Variants in SRGAP3 observed in about 807,000 individuals in gnomAD.
The protein encoded by SRGAP3 is SLIT-ROBO Rho GTPase-activating protein 3.
In SRGAP3, 39 loss-of-function variants were observed where a neutral mutation model predicts 121.1. That is an observed-to-expected ratio of 0.32 (90% CI 0.25 to 0.42). The LOEUF is 0.42. SRGAP3 is among the 10% of genes least tolerant of loss of function. The probability of loss-of-function intolerance (pLI) is 1.00; values close to 1 mark genes in which losing one functional copy is unlikely to be tolerated. For synonymous variants in SRGAP3, 601 were observed against 570.0 expected, an observed-to-expected ratio of 1.05 and a Z score of -0.77; for missense variants, 1,213 against 1,470.6, an observed-to-expected ratio of 0.82 and a Z score of 2.86.
intron 6 of SRGAP3, 126 bp from the exon 7 acceptor site, chr3:9,058,598 C>T: frequency 9.8e-7 from 1 of 1,024,218 alleles, no homozygotes; most frequent in Admixed American, 2.0e-5. Flanking sequence ...CCGGAGGCCC[C>T]AAGGCACTTT....
At chr3:9,266,442 G>T (rs1954370134) in intron 3 of SRGAP3, among the ~76,000 whole-genome samples, 1 of 152,164 alleles carries the variant, frequency 6.6e-6, no homozygotes, top group South Asian at 2.1e-4. Flanking sequence ...CACCTAGAGT[G>T]TCTGTTCTAA....
chr3:9,206,635 G>A (rs564917099), intron 1 of SRGAP3, among the ~76,000 whole-genome samples: 31 of 152,230 alleles, frequency 2.0e-4, no homozygotes, highest in African/African-American at 7.0e-4. Context: ...GGCACATGCT[G>A]TTTCTCCCAC....
intron 3 of SRGAP3, among the ~76,000 whole-genome samples, chr3:9,268,865 CT>C (rs904531558): frequency 6.6e-6 from 1 of 152,172 alleles, no homozygotes; most frequent in African/African-American, 2.4e-5. Context: ...CTCTTCCTTC[CT>C]TTTCCCCAGA....
intron 10 of SRGAP3, among the ~76,000 whole-genome samples, chr3:9,042,094 C>T (rs148633963): frequency 6.6e-5 from 9 of 137,022 alleles, no homozygotes; most frequent in Admixed American, 6.0e-4. Flanking sequence ...CAGAGCTAGA[C>T]GCCATCTCAA....
At chr3:9,170,215 T>C (rs1950926335) in intron 1 of SRGAP3, among the ~76,000 whole-genome samples, 2 of 152,234 alleles carry the variant, frequency 1.3e-5, no homozygotes, top group Admixed American at 6.5e-5. Flanking sequence ...ACCTCTCAAA[T>C]CTACAAACCA....
At chr3:9,057,388 C>T (rs191372028) in intron 7 of SRGAP3, among the ~76,000 whole-genome samples, 10 of 152,344 alleles carry the variant, frequency 6.6e-5, no homozygotes, top group Admixed American at 4.6e-4. Flanking sequence ...TTACGGTCAC[C>T]AGTGGTCACC....
At position 9,348,431 on chromosome 3, in the gene SRGAP3, C is replaced by T. The variant is rs1955946115; in HGVS notation, n.214+14409G>A. On this transcript the variant is annotated intron_variant and non_coding_transcript_variant, in intron 1 of 3. Transcript: ENST00000490889. Reference sequence around the variant, plus strand: ...CGAACCCCAGTCAGCGTCGCATCCCCAGCCCGCCACCATGGCTGCCTACAA... The same window carrying T: ...CGAACCCCAGTCAGCGTCGCATCCCTAGCCCGCCACCATGGCTGCCTACAA... 6.4e-6 allele frequency: 4 copies of T among 627,654 alleles called. No individual in the cohort carries two copies. In the South Asian group the frequency reaches 7.0e-5, roughly 11 times the overall value. The allele number at this position is 627,654 out of a possible 1,614,324, so 38.9% of individuals were successfully genotyped here.
chr3:9,353,237 G>A (rs2030295006), intron 1 of SRGAP3, among the ~76,000 whole-genome samples: 1 of 152,234 alleles, frequency 6.6e-6, no homozygotes, highest in African/African-American at 2.4e-5. Context: ...ATATCACACA[G>A]GGAGGAGAGA....
At chr3:9,089,171 G>A (rs1047118898) in intron 3 of SRGAP3, among the ~76,000 whole-genome samples, 1 of 151,968 alleles carries the variant, frequency 6.6e-6, no homozygotes, top group Non-Finnish European at 1.5e-5. Flanking sequence ...TTACAGGTAT[G>A]AGTCACGGTG....
intron 21 of SRGAP3, among the ~76,000 whole-genome samples, chr3:8,987,380 A>G (rs950436400): frequency 1.3e-5 from 2 of 152,220 alleles, no homozygotes; most frequent in Admixed American, 1.3e-4. Flanking sequence ...TCATGGAGGA[A>G]TGATGACTAT....
At chr3:9,158,332 G>A (rs1025808019) in intron 1 of SRGAP3, among the ~76,000 whole-genome samples, 4 of 152,260 alleles carry the variant, frequency 2.6e-5, no homozygotes, top group East Asian at 1.9e-4. Flanking sequence ...TTGCTCAAAC[G>A]CCAGAGAAGG....
At chr3:9,349,609 T>C (rs1368228548) in intron 1 of SRGAP3, 1 of 160,546 alleles carries the variant, frequency 6.2e-6, no homozygotes, top group Non-Finnish European at 1.4e-5. Context: ...ATAACCTCTA[T>C]GGTGATATGA....
At chr3:9,012,968 C>T (rs1208596991) in intron 17 of SRGAP3, among the ~76,000 whole-genome samples, 1 of 152,058 alleles carries the variant, frequency 6.6e-6, no homozygotes, top group Non-Finnish European at 1.5e-5. Context: ...TCAAGCAGGG[C>T]CAAGGAATGG....
intron 1 of SRGAP3, among the ~76,000 whole-genome samples, chr3:9,351,407 G>C (rs2030139717): frequency 6.6e-6 from 1 of 152,108 alleles, no homozygotes; most frequent in Non-Finnish European, 1.5e-5. Context: ...ATATCCTTTT[G>C]CAAGTTGGTG....
intron 1 of SRGAP3, among the ~76,000 whole-genome samples, chr3:9,179,593 T>C (rs1166003878): frequency 1.3e-5 from 2 of 152,226 alleles, no homozygotes; most frequent in Non-Finnish European, 2.9e-5. Context: ...AGAAGTCAAC[T>C]ATTTAGTTCT....
chr3:9,138,717 C>T (rs917636494), intron 1 of SRGAP3, among the ~76,000 whole-genome samples: 1 of 152,104 alleles, frequency 6.6e-6, no homozygotes, highest in African/African-American at 2.4e-5. Context: ...GGACAGGTCA[C>T]GGTCAAAACT....
At chr3:9,244,899 T>C (rs746506084) in intron 1 of SRGAP3, among the ~76,000 whole-genome samples, 3 of 152,148 alleles carry the variant, frequency 2.0e-5, no homozygotes, top group Non-Finnish European at 4.4e-5. Flanking sequence ...GGCTAGTGTA[T>C]TGGAGAAACA....
intron 10 of SRGAP3, among the ~76,000 whole-genome samples, chr3:9,039,243 G>A (rs1388584888): frequency 6.6e-6 from 1 of 152,158 alleles, no homozygotes; most frequent in Non-Finnish European, 1.5e-5. Context: ...CTTTCCAGGT[G>A]TTCTTCCTGC....
chr3:9,076,930 G>T (rs1249029550), intron 4 of SRGAP3, among the ~76,000 whole-genome samples: 1 of 152,064 alleles, frequency 6.6e-6, no homozygotes, highest in African/African-American at 2.4e-5. Context: ...TCTGACTTGT[G>T]TTGTAGCAAC....
Sources: allele counts gnomAD v4.1 joint callset (sites outside exome capture counted in the v4.1 genomes callset), GRCh38; gene constraint gnomAD v4.1.1; transcripts MANE v1.5; gene names NCBI Gene and HGNC (gene_info 2026-07-23, HGNC 2026-07-21).